Variants in AVL9 observed in about 807,000 individuals in gnomAD.
The protein encoded by AVL9 is AVL9 cell migration associated, also known as late secretory pathway protein AVL9 homolog.
Under a neutral mutation model 79.2 loss-of-function variants are expected in AVL9, and 49 were observed. That is an observed-to-expected ratio of 0.62 (90% CI 0.49 to 0.79). The LOEUF (loss-of-function observed/expected upper bound fraction) is 0.79. Among genes scored for constraint, AVL9 ranks in the 30% least tolerant of loss-of-function variants. The pLI, the probability that AVL9 is intolerant of heterozygous loss-of-function variation, is 0.00. For missense variants in AVL9, 682 were observed against 776.8 expected, an observed-to-expected ratio of 0.88 and a Z score of 1.45; for synonymous variants, 299 against 280.6, an observed-to-expected ratio of 1.07 and a Z score of -0.65.
At chr7:32,513,506 G>C (rs1004622643) in intron 1 of AVL9, among the ~76,000 whole-genome samples, 1 of 152,232 alleles carries the variant, frequency 6.6e-6, no homozygotes, top group Non-Finnish European at 1.5e-5. Context: ...TTGCCAATCA[G>C]AATATGTTTA....
chr7:32,532,588 A>T (rs1788711052), intron 1 of AVL9: 2 of 152,204 alleles, frequency 1.3e-5, no homozygotes, highest in South Asian at 2.1e-4. Context: ...AATACACATT[A>T]TCTATTTTCA....
chr7:32,496,035 G>A (rs1231132573), intron 1 of AVL9, among the ~76,000 whole-genome samples: 1 of 152,108 alleles, frequency 6.6e-6, no homozygotes, highest in African/African-American at 2.4e-5. Context: ...CAGCGGAGGA[G>A]CTGGTTGATA....
At chr7:32,574,929 A>G (rs1360682160) in intron 12 of AVL9, among the ~76,000 whole-genome samples, 3 of 152,184 alleles carry the variant, frequency 2.0e-5, no homozygotes, top group Non-Finnish European at 4.4e-5. Context: ...TCACCTTCAA[A>G]GTAAACAACA....
rs934779316 is a variant in AVL9, at chr7:32,586,040, A to G, written c.*2133A>G. On this transcript the variant is annotated 3_prime_UTR_variant, in exon 16 of 16. Coordinates refer to ENST00000318709, the MANE Select transcript of AVL9 (RefSeq NM_015060.3). The stretch of plus-strand genomic sequence containing the variant: ...GCTCTGTGAGGGGTCGTCCAGCAAG[A>G]TGCTGATTTGTCTTTCAGTTGGTAT... The G allele has an allele frequency of 6.6e-6, 1 of 152,158 alleles. No individual in the cohort carries two copies. The highest frequency in any genetic ancestry group is 2.4e-5 in the African/African-American group (1 of 41,442). The allele number at this position is 152,158 out of a possible 1,614,324, so 9.4% of individuals were successfully genotyped here. A position where few individuals can be genotyped will look rare whatever the true frequency, so the allele number is the denominator to read the frequency against.
intron 1 of AVL9, among the ~76,000 whole-genome samples, chr7:32,500,234 C>A (rs1224607173): frequency 6.6e-6 from 1 of 152,142 alleles, no homozygotes; most frequent in East Asian, 1.9e-4. Flanking sequence ...ATTCCTATTT[C>A]ACATCCTCTC....
rs762982000 is a variant in AVL9, at chr7:32,559,021, G to A, written c.772G>A (p.Ala258Thr). The A allele has an allele frequency of 6.2e-7, 1 of 1,614,092 alleles. No individual in the cohort carries two copies. The highest frequency in any genetic ancestry group is 8.5e-7 in the Non-Finnish European group (1 of 1,179,978). The change falls in exon 10 of 16, where the codon GCA becomes ACA. Residue 258 changes from alanine (A) to threonine (T), a missense_variant. Coordinates refer to ENST00000318709, the MANE Select transcript of AVL9 (RefSeq NM_015060.3). ...TGGGCTTCAGGAAAGTAACCCATGT[G>A]CAGATGATTTTGTTTCTGCATCCAC... ...DGGLQESNPC[A>T]DDFVSASTAD...
chr7:32,538,068 A>G (rs1203960674), intron 1 of AVL9: 1 of 152,224 alleles, frequency 6.6e-6, no homozygotes, highest in Admixed American at 6.5e-5. Context: ...TATTTATGAC[A>G]GTTTTGAGTC....
intron 11 of AVL9, among the ~76,000 whole-genome samples, chr7:32,572,966 G>A (rs150325532): frequency 6.6e-6 from 1 of 151,992 alleles, no homozygotes; most frequent in East Asian, 1.9e-4. Context: ...GAGTAATTTT[G>A]TAATTTAAAA....
chr7:32,522,991 C>G (rs1451253282), intron 1 of AVL9, among the ~76,000 whole-genome samples: 1 of 151,922 alleles, frequency 6.6e-6, no homozygotes, highest in East Asian at 1.9e-4. Context: ...CTGAGGCCTC[C>G]CCAGCCATGT....
intron 13 of AVL9, among the ~76,000 whole-genome samples, chr7:32,577,702 G>A (rs1791163013): frequency 6.6e-6 from 1 of 152,178 alleles, no homozygotes; most frequent in Non-Finnish European, 1.5e-5. Flanking sequence ...AGATGTTAGT[G>A]CAGGTCCAAA....
chr7:32,508,468 G>A (rs1787511095), intron 1 of AVL9, among the ~76,000 whole-genome samples: 1 of 152,018 alleles, frequency 6.6e-6, no homozygotes, highest in South Asian at 2.1e-4. Context: ...GTATTTCAAA[G>A]TTTCAATATA....
At chr7:32,548,322 A>AT in intron 3 of AVL9, among the ~76,000 whole-genome samples, 1 of 151,448 alleles carries the variant, frequency 6.6e-6, no homozygotes, top group Non-Finnish European at 1.5e-5. Context: ...TGATTTCTGT[A>AT]TTTTTAGTAG....
rs563563390 is a variant in AVL9 at position 32,519,698 on chromosome 7, A to G, written c.94-23443A>G. 2.3e-4 allele frequency among the ~76,000 whole-genome samples: 35 copies of G among 152,340 alleles called. 1 individual carries two copies. The South Asian group carries it at 6.4e-3, about 28-fold the overall frequency. Reference sequence around the variant, plus strand: ...GAAAATGTAATTTTTTTCCTAGTTAAGAGGCTATTTCAGTCGTTTTAAATT... The same window carrying G: ...GAAAATGTAATTTTTTTCCTAGTTAGGAGGCTATTTCAGTCGTTTTAAATT... On this transcript the variant is annotated intron_variant, in intron 1 of 15. Transcript: ENST00000318709.
At chr7:32,552,165 A>T in intron 5 of AVL9, 64 bp from the exon 6 acceptor site, 1 of 1,043,422 alleles carries the variant, frequency 9.6e-7, no homozygotes. Context: ...TTTCTGATCA[A>T]TATATTTCTA....
chr7:32,541,058 C>T (rs1271135785), intron 1 of AVL9, among the ~76,000 whole-genome samples: 1 of 151,744 alleles, frequency 6.6e-6, no homozygotes, highest in Admixed American at 6.6e-5. Context: ...CCCGCCACTA[C>T]GTCTGGCTAA....
At chr7:32,536,534 ATTCTT>A (rs1456423806) in intron 1 of AVL9, 1 of 73,410 alleles carries the variant, frequency 1.4e-5, no homozygotes, top group Non-Finnish European at 2.9e-5. Flanking sequence ...TGGAAATAAC[ATTCTT>A]TTTTTTTTCA....
intron 1 of AVL9, among the ~76,000 whole-genome samples, chr7:32,528,583 G>T (rs1788503398): frequency 6.6e-6 from 1 of 152,126 alleles, no homozygotes; most frequent in South Asian, 2.1e-4. Context: ...TTGTCCAGAG[G>T]CTTGGCATAG....
chr7:32,544,857 C>A, intron 3 of AVL9, 78 bp downstream of exon 3: 1 of 1,012,138 alleles, frequency 9.9e-7, no homozygotes, highest in Non-Finnish European at 1.5e-6. Flanking sequence ...CTTTATTTTT[C>A]AGTGGTGCCT....
At chr7:32,510,295 A>C (rs1394190755) in intron 1 of AVL9, among the ~76,000 whole-genome samples, 4 of 150,226 alleles carry the variant, frequency 2.7e-5, no homozygotes, top group Non-Finnish European at 4.4e-5. Flanking sequence ...CCAAGGTGAG[A>C]TTTGTGAGCT....
Sources: allele counts gnomAD v4.1 joint callset (sites outside exome capture counted in the v4.1 genomes callset), GRCh38; gene constraint gnomAD v4.1.1; transcripts MANE v1.5; gene names NCBI Gene and HGNC (gene_info 2026-07-23, HGNC 2026-07-21).